CFAP221: variants seen among roughly 807,000 people sequenced by gnomAD.
The protein encoded by CFAP221 is cilia- and flagella-associated protein 221.
CFAP221 carries 97 observed loss-of-function variants against 113.1 expected under a neutral mutation model. The ratio of observed to expected loss-of-function variants is 0.86; its 90% CI spans 0.73 to 1.02. The LOEUF is 1.02. Ranked by LOEUF, CFAP221 falls within the 50% of genes least tolerant of loss-of-function variation. The probability of loss-of-function intolerance (pLI) is 0.00; values close to 1 mark genes in which losing one functional copy is unlikely to be tolerated. For missense variants in CFAP221, 1,025 were observed against 1,013.4 expected (o/e 1.01, Z -0.16); for synonymous variants, 331 against 354.4 (o/e 0.93, Z 0.74).
rs754115974 is a variant in CFAP221 at position 119,546,249 on chromosome 2, C to T, written c.118C>T (p.Pro40Ser). Residue 40 changes from proline (P) to serine (S), a missense_variant, in exon 2 of 24, where the codon CCT becomes TCT. Physicochemically the swap from Pro to Ser is moderately conservative, Grantham distance 74 (BLOSUM62 -1). Transcript: ENST00000413369. ...VEEPKKRKEV[P>S]NHLLESKVYA... ...GGAGCCGAAAAAAAGAAAAGAAGTA[C>T]CTAATCACCTCCTAGAATCAAGTAA... 1 of 1,535,262 alleles carries T rather than the reference C, an allele frequency of 6.5e-7. No individual in the cohort carries two copies. Among genetic ancestry groups the T allele is most frequent in the South Asian group, 1.2e-5 (1 of 83,912 alleles).
chr2:119,589,652 A>G (rs983602215), intron 7 of CFAP221: 1 of 152,216 alleles, frequency 6.6e-6, no homozygotes, highest in Non-Finnish European at 1.5e-5. Context: ...TTTATGCTGA[A>G]GTTTGCCAAA....
chr2:119,552,781 C>CTTTAATAAGAAATAAATAGAAATA lies in CFAP221; in HGVS notation c.240+3599_240+3600insAATAAGAAATAAATAGAAATATTT, dbSNP rs1680517086. Among the ~76,000 whole-genome samples, 2 of 95,986 alleles carry CTTTAATAAGAAATAAATAGAAATA rather than the reference C, an allele frequency of 2.1e-5. 1 individual carries two copies. Among genetic ancestry groups the CTTTAATAAGAAATAAATAGAAATA allele is most frequent in the African/African-American group, 8.1e-5 (2 of 24,578 alleles). 63.0% of individuals were successfully genotyped at this position (95,986 alleles called of 152,430 possible). ...TAATAAGAAATAAATAGAAATATTTCTTTCTTTAATAAGAAATAAATAGAA... is the reference window on the plus strand; with the variant it reads ...TAATAAGAAATAAATAGAAATATTTCTTTAATAAGAAATAAATAGAAATATTTCTTTAATAAGAAATAAATAGAA... On this transcript the variant is annotated intron_variant, in intron 3 of 23. Transcript: ENST00000413369.
intron 6 of CFAP221, among the ~76,000 whole-genome samples, chr2:119,579,802 G>A (rs1284803554): frequency 6.6e-6 from 1 of 152,206 alleles, no homozygotes; most frequent in Non-Finnish European, 1.5e-5. Context: ...AAAAGCTCCA[G>A]GAGTTTTTGT....
intron 21 of CFAP221, among the ~76,000 whole-genome samples, chr2:119,641,590 G>A (rs914530659): frequency 6.6e-6 from 1 of 152,172 alleles, no homozygotes; most frequent in African/African-American, 2.4e-5. Context: ...CTCTCTGAGG[G>A]AGAGGCAGTG....
At chr2:119,602,254 T>G (rs951421584) in intron 8 of CFAP221, among the ~76,000 whole-genome samples, 4 of 152,158 alleles carry the variant, frequency 2.6e-5, no homozygotes, top group Non-Finnish European at 5.9e-5. Flanking sequence ...GCATCCTGTC[T>G]GTAATCCCAG....
intron 19 of CFAP221, among the ~76,000 whole-genome samples, chr2:119,632,707 A>C (rs1686858684): frequency 6.6e-6 from 1 of 151,918 alleles, no homozygotes. Context: ...TTTACAAAAA[A>C]AAAAAAAAAA....
chr2:119,556,966 C>T (rs1431989574), intron 3 of CFAP221: 2 of 152,174 alleles, frequency 1.3e-5, no homozygotes, highest in Non-Finnish European at 2.9e-5. Flanking sequence ...CTGTGACATA[C>T]TCATGTTGGA....
At chr2:119,552,993 C>T (rs1181138539) in intron 3 of CFAP221, among the ~76,000 whole-genome samples, 1 of 152,102 alleles carries the variant, frequency 6.6e-6, no homozygotes, top group Non-Finnish European at 1.5e-5. Flanking sequence ...GTGAGAGTCC[C>T]CATTACATGC....
At chr2:119,646,056 AC>A (rs1209700673) in intron 21 of CFAP221, among the ~76,000 whole-genome samples, 3 of 152,132 alleles carry the variant, frequency 2.0e-5, no homozygotes, top group Non-Finnish European at 4.4e-5. Context: ...TGTATTTTCC[AC>A]CCTATCTCAA....
chr2:119,657,792 A>C (rs1053784674), downstream of CFAP221, among the ~76,000 whole-genome samples: 2 of 152,116 alleles, frequency 1.3e-5, no homozygotes, highest in African/African-American at 2.4e-5. Context: ...TGTTTTGTAG[A>C]CTGGCCTTCA....
intron 13 of CFAP221, among the ~76,000 whole-genome samples, chr2:119,613,706 T>C (rs1174292186): frequency 2.0e-5 from 3 of 152,208 alleles, no homozygotes; most frequent in African/African-American, 7.2e-5. Flanking sequence ...AGACCTGTGA[T>C]GGGAGGGGCT....
At chr2:119,597,931 G>A (rs1418557193) in intron 7 of CFAP221, among the ~76,000 whole-genome samples, 1 of 152,182 alleles carries the variant, frequency 6.6e-6, no homozygotes, top group Non-Finnish European at 1.5e-5. Context: ...AAAGGGAGTA[G>A]CCTCCAGTCC....
chr2:119,632,506 A>G (rs900180812), intron 19 of CFAP221, among the ~76,000 whole-genome samples: 1 of 152,192 alleles, frequency 6.6e-6, no homozygotes, highest in Non-Finnish European at 1.5e-5. Flanking sequence ...ATGGTCATCT[A>G]TTTAAAACCT....
intron 21 of CFAP221, among the ~76,000 whole-genome samples, chr2:119,643,530 C>T (rs1469664977): frequency 6.6e-6 from 1 of 152,116 alleles, no homozygotes; most frequent in African/African-American, 2.4e-5. Context: ...TTTACTTTGT[C>T]AAGTAAGGAC....
In CFAP221 at chr2:119,560,045, C is replaced by CTT. The variant is rs35631078; in HGVS notation, c.426+38_426+39dup. 0.035 allele frequency: 30,077 copies of CTT among 864,568 alleles called. 249 individuals carry two copies. Among genetic ancestry groups the CTT allele is most frequent in the African/African-American group, 0.086 (3,904 of 45,400 alleles). 53.6% of individuals were successfully genotyped at this position (864,568 alleles called of 1,614,324 possible). A position where few individuals can be genotyped will look rare whatever the true frequency, so the allele number is the denominator to read the frequency against. The stretch of plus-strand genomic sequence containing the variant: ...CTGTAAGGTAGGTCTCTTAAAATTG[C>CTT]TTTTTTTTTTTTTTTTTTTTGATGG... On this transcript the variant is annotated intron_variant, in intron 5 of 23. Coordinates refer to ENST00000413369, the MANE Select transcript of CFAP221 (RefSeq NM_001271049.2).
intron 14 of CFAP221, among the ~76,000 whole-genome samples, chr2:119,617,610 T>C (rs1051662586): frequency 2.6e-5 from 4 of 152,210 alleles, no homozygotes; most frequent in African/African-American, 9.6e-5. Flanking sequence ...CTGTCAGTTC[T>C]ATGTGCCAAT....
chr2:119,651,486 A>C (rs888290729), intron 22 of CFAP221, among the ~76,000 whole-genome samples: 1 of 29,910 alleles, frequency 3.3e-5, no homozygotes, highest in Non-Finnish European at 7.3e-5. Flanking sequence ...CAGACCACAA[A>C]AAGATCGAAA....
intron 6 of CFAP221, among the ~76,000 whole-genome samples, chr2:119,578,208 A>G (rs1368976777): frequency 6.6e-6 from 1 of 152,260 alleles, no homozygotes; most frequent in Non-Finnish European, 1.5e-5. Context: ...CTTGGCCTTA[A>G]GAAACAGGTA....
rs981415581 is a variant in CFAP221, at chr2:119,602,705, C to T, written c.791+1328C>T. 4 of 985,282 alleles carry T rather than the reference C, an allele frequency of 4.1e-6. No individual in the cohort carries two copies. In the African/African-American group the frequency reaches 7.0e-5, roughly 17 times the overall value. 61.0% of individuals were successfully genotyped at this position (985,282 alleles called of 1,614,324 possible). Reference sequence around the variant, plus strand: ...TCATTGAAATCACTCGGGCAACAAACAAGTAGAACTGAACACAAATTTTAA... The same window carrying T: ...TCATTGAAATCACTCGGGCAACAAATAAGTAGAACTGAACACAAATTTTAA... On this transcript the variant is annotated intron_variant, in intron 8 of 23. Coordinates refer to ENST00000413369, the MANE Select transcript of CFAP221 (RefSeq NM_001271049.2).
Sources: allele counts gnomAD v4.1 joint callset (sites outside exome capture counted in the v4.1 genomes callset), GRCh38; gene constraint gnomAD v4.1.1; transcripts MANE v1.5; gene names NCBI Gene and HGNC (gene_info 2026-07-23, HGNC 2026-07-21).